Variants in RIN3 observed in about 807,000 individuals in gnomAD.
RIN3 encodes the protein RAB5 interacting protein 3.
Under a neutral mutation model 76.3 loss-of-function variants are expected in RIN3, and 54 were observed. That is an observed-to-expected ratio of 0.71 (90% CI 0.57 to 0.89). The LOEUF is 0.89. Among genes scored for constraint, RIN3 ranks in the 40% least tolerant of loss-of-function variants. The pLI is 0.00. For synonymous variants in RIN3, 576 were observed against 564.0 expected, an observed-to-expected ratio of 1.02 and a Z score of -0.30; for missense variants, 1,256 against 1,322.1, an observed-to-expected ratio of 0.95 and a Z score of 0.78.
At chr14:92,579,340 A>C (rs1424597692) in intron 3 of RIN3, among the ~76,000 whole-genome samples, 1 of 152,232 alleles carries the variant, frequency 6.6e-6, no homozygotes, top group Non-Finnish European at 1.5e-5. Flanking sequence ...TCTTTGTTTC[A>C]AAGTTAAACA....
intron 3 of RIN3, among the ~76,000 whole-genome samples, chr14:92,584,804 T>G (rs540863516): frequency 5.7e-4 from 86 of 152,182 alleles, no homozygotes; most frequent in South Asian, 8.3e-4. Flanking sequence ...ATGGTGACAG[T>G]GACAGATTCA....
rs748909032 is a variant in RIN3 at position 92,577,452 on chromosome 14, A to G, written c.342A>G (p.Glu114=). The change falls in exon 3 of 10, where the codon GAA becomes GAG. Residue 114 remains glutamate (E), a synonymous_variant. Transcript: ENST00000216487. ...ACGAAAGCTCGGCCGAGGTGCTCGA[A>G]TACACCATTAAGGAAGAAAAGTCGA... ...SLNESSAEVL[E]YTIKEEKSIL... 6 of 1,612,764 alleles carry G rather than the reference A, an allele frequency of 3.7e-6. No individual in the cohort carries two copies. The highest frequency in any genetic ancestry group is 5.1e-6 in the Non-Finnish European group (6 of 1,179,014).
intron 4 of RIN3, among the ~76,000 whole-genome samples, chr14:92,633,194 G>A (rs554738398): frequency 1.3e-5 from 2 of 152,232 alleles, no homozygotes; most frequent in South Asian, 2.1e-4. Context: ...CATCCTTGAC[G>A]ACAGGAAGAC....
At chr14:92,556,010 C>A in intron 2 of RIN3, 55 bp downstream of exon 2, 1 of 1,444,742 alleles carries the variant, frequency 6.9e-7, no homozygotes, top group Non-Finnish European at 9.6e-7. Context: ...GGAACTCAGG[C>A]GTGCTCCACA....
chr14:92,572,748 T>C (rs533791247), intron 2 of RIN3, among the ~76,000 whole-genome samples: 1 of 151,972 alleles, frequency 6.6e-6, no homozygotes, highest in South Asian at 2.1e-4. Flanking sequence ...GTCCGGGCAG[T>C]GTGGCTCCGT....
intron 6 of RIN3, 127 bp downstream of exon 6, chr14:92,653,202 G>A: frequency 9.7e-7 from 1 of 1,031,406 alleles, no homozygotes; most frequent in East Asian, 2.6e-5. Context: ...CCCTTCCTGG[G>A]CACCAGGAAC....
At chr14:92,601,919 A>G (rs77217393) in intron 3 of RIN3, among the ~76,000 whole-genome samples, 60 of 152,370 alleles carry the variant, frequency 3.9e-4, no homozygotes, top group Non-Finnish European at 7.6e-4. Context: ...GACAGTTTGT[A>G]TGCTTGCACT....
intron 8 of RIN3, among the ~76,000 whole-genome samples, chr14:92,683,175 A>G (rs967013339): frequency 4.6e-5 from 7 of 152,096 alleles, no homozygotes. Context: ...CTAAAAAAAA[A>G]AAGAAGAAAA....
intron 8 of RIN3, 124 bp downstream of exon 8, chr14:92,676,730 T>C (rs1888478636): frequency 2.0e-6 from 2 of 1,018,798 alleles, no homozygotes; most frequent in Non-Finnish European, 1.4e-6. Context: ...TCTGGACCCA[T>C]GGATGCAAAT....
At chr14:92,545,068 T>A (rs2140020967) in intron 1 of RIN3, among the ~76,000 whole-genome samples, 1 of 151,616 alleles carries the variant, frequency 6.6e-6, no homozygotes, top group African/African-American at 2.4e-5. Flanking sequence ...TTTGTTTGTT[T>A]GATTGCTTTT....
At chr14:92,524,104 G>A (rs1896665260) in intron 1 of RIN3, among the ~76,000 whole-genome samples, 1 of 152,124 alleles carries the variant, frequency 6.6e-6, no homozygotes. Context: ...TGAGGCAGGG[G>A]GATCTCTCGA....
intron 2 of RIN3, among the ~76,000 whole-genome samples, chr14:92,561,082 T>C (rs1479625958): frequency 7.8e-6 from 1 of 128,108 alleles, no homozygotes; most frequent in African/African-American, 2.9e-5. Context: ...CATAAATATA[T>C]ATATATCTGC....
chr14:92,563,964 G>A (rs563876141), intron 2 of RIN3, among the ~76,000 whole-genome samples: 2 of 152,152 alleles, frequency 1.3e-5, no homozygotes, highest in South Asian at 2.1e-4. Flanking sequence ...AGGATATGAG[G>A]ACCTTTGTCC....
intron 2 of RIN3, among the ~76,000 whole-genome samples, chr14:92,570,681 A>G (rs1898041318): frequency 6.6e-6 from 1 of 151,238 alleles, no homozygotes; most frequent in Non-Finnish European, 1.5e-5. Context: ...AAGAAGTGAC[A>G]TTCAGAAAAT....
At chr14:92,577,590 A>G (rs1437127839) in intron 3 of RIN3, 113 bp downstream of exon 3, 13 of 623,882 alleles carry the variant, frequency 2.1e-5, no homozygotes, top group Admixed American at 7.8e-5. Context: ...GTTTAAAATT[A>G]GAAGGAGGAA....
chr14:92,654,670 G>A (rs1215507660), intron 6 of RIN3, among the ~76,000 whole-genome samples: 1 of 152,252 alleles, frequency 6.6e-6, no homozygotes, highest in Non-Finnish European at 1.5e-5. Context: ...CAGGTGTGGT[G>A]AGGGGTGATG....
intron 1 of RIN3, among the ~76,000 whole-genome samples, chr14:92,524,734 T>A (rs1287139954): frequency 1.3e-5 from 2 of 152,192 alleles, no homozygotes; most frequent in African/African-American, 4.8e-5. Context: ...ATCCAGCCCC[T>A]GCTTGCAGAT....
intron 4 of RIN3, among the ~76,000 whole-genome samples, chr14:92,625,988 T>C (rs529493373): frequency 1.3e-5 from 2 of 152,312 alleles, no homozygotes; most frequent in East Asian, 3.9e-4. Flanking sequence ...TTAATATTCC[T>C]TGCCCAAGAG....
rs762502370 is a variant in RIN3 at position 92,620,464 on chromosome 14, T to G, written c.440+4985T>G. ...AGTTTGTTTAAAGGTAGAAAGTTGG[T>G]GTGCTCCATTAATTCCTCTGGGCCC... is the stretch of plus-strand genomic sequence containing the variant. On this transcript the variant is annotated intron_variant, in intron 4 of 9. Transcript: ENST00000216487. 5.4e-4 allele frequency among the ~76,000 whole-genome samples: 82 copies of G among 152,210 alleles called. 1 individual carries two copies. Among genetic ancestry groups the G allele is most frequent in the Non-Finnish European group, 2.1e-4 (14 of 68,036 alleles).
Sources: allele counts gnomAD v4.1 joint callset (sites outside exome capture counted in the v4.1 genomes callset), GRCh38; gene constraint gnomAD v4.1.1; transcripts MANE v1.5; gene names NCBI Gene and HGNC (gene_info 2026-07-23, HGNC 2026-07-21).